Variants in NOTCH3 observed in about 807,000 individuals in gnomAD.
NOTCH3 encodes the protein neurogenic locus notch homolog protein 3.
A neutral mutation model predicts 213.3 loss-of-function variants in NOTCH3; 86 were observed. The observed-to-expected ratio is 0.40, with a 90% confidence interval of 0.34 to 0.48. The LOEUF is 0.48. Among genes scored for constraint, NOTCH3 ranks in the 20% least tolerant of loss-of-function variants. NOTCH3 has a pLI of 0.57. For missense variants in NOTCH3, 2,783 were observed against 3,272.6 expected (o/e 0.85, Z 3.65); for synonymous variants, 1,354 against 1,355.9 (o/e 1.00, Z 0.03).
chr19:15,172,122 C>T (rs1235680349), intron 25 of NOTCH3, among the ~76,000 whole-genome samples: 1 of 152,108 alleles, frequency 6.6e-6, no homozygotes, highest in East Asian at 1.9e-4. Context: ...TCTTGAACTC[C>T]CGACCTCAGG....
rs753160399 is a variant in NOTCH3, at chr19:15,162,561, C to T, written c.5817G>A (p.Gly1939=). 24 of 1,613,446 alleles carry T rather than the reference C, an allele frequency of 1.5e-5. No homozygotes were observed. The highest frequency in any genetic ancestry group is 1.9e-5 in the Non-Finnish European group (23 of 1,179,662). Reference sequence around the variant, plus strand: ...CCGCAGCCCAGTGTAAGGCTGATTTCCCTGGAGGATGAAGGGGAGAGAGGT... The same window carrying T: ...CCGCAGCCCAGTGTAAGGCTGATTTTCCTGGAGGATGAAGGGGAGAGAGGT... ...HADVNAVDEL[G]KSALHWAAAV... is the part of the protein sequence containing the mutation. The change falls in exon 32 of 33, where the codon GGG becomes GGA. Residue 1939 remains glycine, a splice_region_variant and synonymous_variant. Coordinates refer to ENST00000263388, the MANE Select transcript of NOTCH3 (RefSeq NM_000435.3).
rs183839795 is a variant in NOTCH3 at position 15,161,328 on chromosome 19, C to T, written c.6300G>A (p.Ser2100=). 100 of 1,524,922 alleles carry T rather than the reference C, an allele frequency of 6.6e-5. No homozygotes were observed. The Middle Eastern group carries it at 1.3e-3, about 20-fold the overall frequency. 94.5% of individuals were successfully genotyped at this position (1,524,922 alleles called of 1,614,324 possible). A position where few individuals can be genotyped will look rare whatever the true frequency, so the allele number is the denominator to read the frequency against. ...GPLADSSVTL[S]PVDSLDSPRP... is the part of the protein sequence containing the mutation. ...GCGGGGAGTCCAGCGAGTCCACGGGCGACAGCGTGACCGAGCTGTCAGCCA... is the reference window on the plus strand; with the variant it reads ...GCGGGGAGTCCAGCGAGTCCACGGGTGACAGCGTGACCGAGCTGTCAGCCA... The change falls in exon 33 of 33, where the codon TCG becomes TCA. Residue 2100 remains serine, a synonymous_variant. Transcript: ENST00000263388.
chr19:15,195,212 C>T (rs1010285226), intron 2 of NOTCH3, among the ~76,000 whole-genome samples: 1 of 152,068 alleles, frequency 6.6e-6, no homozygotes, highest in African/African-American at 2.4e-5. Context: ...CTTATATAGC[C>T]TCTTATGCAG....
At chr19:15,162,761 G>A (rs865818920) in intron 31 of NOTCH3, among the ~76,000 whole-genome samples, 199 bp from the exon 32 acceptor site, 105 of 28,266 alleles carry the variant, frequency 3.7e-3, no homozygotes, top group African/African-American at 0.027. Flanking sequence ...CTTTGTGTCT[G>A]TGTGTGTGTG....
In NOTCH3 at chr19:15,185,982, C is replaced by A. The variant is rs886889323; in HGVS notation, c.1952-303G>T. 6.6e-6 allele frequency among the ~76,000 whole-genome samples: 1 copy of A among 152,118 alleles called. No homozygotes were observed. Among genetic ancestry groups the A allele is most frequent in the Non-Finnish European group, 1.5e-5 (1 of 68,030 alleles). On this transcript the variant is annotated intron_variant, in intron 12 of 32. Transcript: ENST00000263388. The surrounding 1 kb of genome is among the most constrained non-coding windows in gnomAD (Gnocchi z 4.2). ...ACTGCAGTGGCATGATCATAGCTCA[C>A]CACAGCCTCCACTTCCTGGGCTCAA... is the stretch of plus-strand genomic sequence containing the variant.
intron 25 of NOTCH3, 37 bp downstream of exon 25, chr19:15,174,031 C>T (rs746730461): frequency 2.1e-5 from 31 of 1,506,332 alleles, no homozygotes; most frequent in Non-Finnish European, 2.5e-5. Context: ...CTCTCCTCTC[C>T]CCAGCCACCA....
chr19:15,177,067 G>A (rs868209644), intron 24 of NOTCH3, among the ~76,000 whole-genome samples: 29 of 72,842 alleles, frequency 4.0e-4, no homozygotes, highest in African/African-American at 1.6e-3. Context: ...GCGAGACTCC[G>A]TCTTAAAAAA....
intron 8 of NOTCH3, among the ~76,000 whole-genome samples, chr19:15,188,746 G>A (rs1458889570): frequency 1.3e-5 from 2 of 151,288 alleles, no homozygotes; most frequent in East Asian, 2.0e-4. Context: ...ACCCCTTCCC[G>A]AGTGGGTCCT....
intron 1 of NOTCH3, 103 bp downstream of exon 1, chr19:15,200,685 C>A (rs929355776): frequency 2.5e-5 from 23 of 921,620 alleles, no homozygotes; most frequent in South Asian, 2.0e-4. Flanking sequence ...CTTCCCCGAC[C>A]CTGGTTCCTG....
intron 25 of NOTCH3, among the ~76,000 whole-genome samples, chr19:15,172,947 G>C (rs1174876382): frequency 6.8e-6 from 1 of 147,848 alleles, no homozygotes; most frequent in Non-Finnish European, 1.5e-5. Flanking sequence ...GTGAGCCACC[G>C]AGCCCCTCCT....
rs567871926 is a variant in NOTCH3, at chr19:15,185,888, T to C, written c.1952-209A>G. On this transcript the variant is annotated intron_variant, in intron 12 of 32. Coordinates refer to ENST00000263388, the MANE Select transcript of NOTCH3 (RefSeq NM_000435.3). The surrounding 1 kb of genome is among the most constrained non-coding windows in gnomAD (Gnocchi z 4.2). ...TTCTGGTCCCCAAACTTCCATGAAG[T>C]CCCTTTCTTTTTCTTTTCTTCTTCT... 6.6e-6 allele frequency among the ~76,000 whole-genome samples: 1 copy of C among 152,036 alleles called. No homozygotes were observed. The highest frequency in any genetic ancestry group is 1.9e-4 in the East Asian group (1 of 5,172).
intron 24 of NOTCH3, among the ~76,000 whole-genome samples, chr19:15,176,176 T>TC (rs2046788587): frequency 6.7e-6 from 1 of 148,704 alleles, no homozygotes; most frequent in Admixed American, 6.7e-5. Flanking sequence ...TTTTTTTTTT[T>TC]TTTTTTGGTG....
intron 23 of NOTCH3, chr19:15,178,588 T>C (rs1201287931): frequency 3.1e-5 from 18 of 580,472 alleles, no homozygotes; most frequent in Non-Finnish European, 2.8e-5. Flanking sequence ...TTTCACCATG[T>C]TGCCCAGGCT....
chr19:15,164,161 A>G (rs2046666289), intron 31 of NOTCH3, among the ~76,000 whole-genome samples: 1 of 152,208 alleles, frequency 6.6e-6, no homozygotes. Flanking sequence ...ACTAAGAGCC[A>G]TTGAATTGTA....
At chr19:15,175,556 C>A (rs75082101) in intron 24 of NOTCH3, among the ~76,000 whole-genome samples, 96 of 90,178 alleles carry the variant, frequency 1.1e-3, no homozygotes, top group African/African-American at 4.2e-3. Flanking sequence ...AAAAAAAATA[C>A]ATATATATAT....
chr19:15,165,799 C>G lies in NOTCH3; in HGVS notation c.5655G>C (p.Gln1885His). ...PLHTAVTADAQGVFQILIRNR... is the reference protein window; with the variant it reads ...PLHTAVTADAHGVFQILIRNR... ...GTGCCTATCTCACCTGGAAGACACC[C>G]TGGGCATCGGCTGTGACAGCTGTGT... The change falls in exon 30 of 33, where the codon CAG becomes CAC. Residue 1885 changes from glutamine to histidine, a missense_variant. Around this residue, in one of 6 missense-constraint regions of NOTCH3, gnomAD observed 636 missense variants for 801.8 expected, o/e 0.79. Coordinates refer to ENST00000263388, the MANE Select transcript of NOTCH3 (RefSeq NM_000435.3). The surrounding 1 kb of genome is among the most constrained non-coding windows in gnomAD (Gnocchi z 4.7). 6.2e-7 allele frequency: 1 copy of G among 1,612,796 alleles called. No individual in the cohort carries two copies. The highest frequency in any genetic ancestry group is 8.5e-7 in the Non-Finnish European group (1 of 1,180,024).
intron 1 of NOTCH3, among the ~76,000 whole-genome samples, 161 bp from the exon 2 acceptor site, chr19:15,197,739 C>T (rs868502780): frequency 2.6e-5 from 2 of 76,856 alleles, no homozygotes; most frequent in Admixed American, 1.1e-4. Context: ...CCCACGCCCC[C>T]CCCCCCCCCG....
At chr19:15,199,227 C>A (rs2046992320) in intron 1 of NOTCH3, among the ~76,000 whole-genome samples, 1 of 152,190 alleles carries the variant, frequency 6.6e-6, no homozygotes, top group Non-Finnish European at 1.5e-5. Flanking sequence ...ACATGTGAGT[C>A]TATCTGTACA....
intron 6 of NOTCH3, 102 bp from the exon 7 acceptor site, chr19:15,189,530 T>C (rs1331281973): frequency 6.9e-7 from 1 of 1,459,384 alleles, no homozygotes; most frequent in African/African-American, 1.4e-5. Context: ...TTTTGTTTTG[T>C]TTTTTGAGAC....
Sources: gnomAD v4.1 joint callset for allele counts (sites outside exome capture counted in the v4.1 genomes callset) on GRCh38, gnomAD v4.1.1 for gene constraint, gnomAD v4.1.1 regional missense constraint, Gnocchi (gnomAD v3.1) non-coding constraint, MANE v1.5 for transcripts, NCBI Gene and HGNC (gene_info 2026-07-23, HGNC 2026-07-21) for gene names.